Variants in SIMC1 observed in about 807,000 individuals in gnomAD.
SIMC1 encodes the protein SUMO interacting motifs containing 1.
Under a neutral mutation model 82.3 loss-of-function variants are expected in SIMC1, and 55 were observed. The observed-to-expected ratio is 0.67, with a 90% CI of 0.54 to 0.84. The LOEUF is 0.84. Ranked by LOEUF, SIMC1 falls within the 40% of genes least tolerant of loss-of-function variation. SIMC1 has a pLI of 0.00. For missense variants in SIMC1, 915 were observed against 1,107.2 expected (o/e 0.83, Z 2.46); for synonymous variants, 353 against 426.3 (o/e 0.83, Z 2.12).
chr5:176,245,734 CTA>C (rs746813623), intron 1 of SIMC1, among the ~76,000 whole-genome samples: 2 of 151,946 alleles, frequency 1.3e-5, no homozygotes, highest in East Asian at 1.9e-4. Flanking sequence ...CCATAATAAA[CTA>C]TGTGTGTATT....
chr5:176,272,568 A>G (rs1265737356), intron 1 of SIMC1, among the ~76,000 whole-genome samples: 1 of 152,128 alleles, frequency 6.6e-6, no homozygotes, highest in East Asian at 1.9e-4. Context: ...GGTTCATCTC[A>G]CTGGGGCTTG....
At chr5:176,246,407 G>GGTGTGT (rs57262987) in intron 1 of SIMC1, among the ~76,000 whole-genome samples, 1,662 of 137,004 alleles carry the variant, frequency 0.012, 10 homozygotes, top group East Asian at 0.017. Context: ...ATAGTTCAGG[G>GGTGTGT]GTGTGTGTGT....
chr5:176,270,196 TC>T (rs1164859868), intron 1 of SIMC1: 2 of 151,836 alleles, frequency 1.3e-5, no homozygotes, highest in African/African-American at 4.8e-5. Flanking sequence ...CAATATAAAT[TC>T]TGATATTAGT....
Position 176,327,193 on chromosome 5 carries a change from T to C in SIMC1, c.2171+2436T>C, listed in dbSNP as rs549295378. 5.8e-4 allele frequency among the ~76,000 whole-genome samples: 89 copies of C among 152,250 alleles called. 1 individual carries two copies. In the South Asian group the frequency reaches 0.017, roughly 29 times the overall value. On this transcript the variant is annotated intron_variant, in intron 7 of 9. Transcript: ENST00000429602. ...AATTAGGAATTAAAACAGACAAACA[T>C]GATTTATACAAAACCTGGCCCTACT...
chr5:176,249,050 G>T (rs191946503), intron 1 of SIMC1, among the ~76,000 whole-genome samples: 1 of 152,146 alleles, frequency 6.6e-6, no homozygotes, highest in African/African-American at 2.4e-5. Context: ...AGAGATAATG[G>T]CCTGAAATTT....
Position 176,283,767 on chromosome 5 carries a change from A to G in SIMC1, c.130-5887A>G, listed in dbSNP as rs536526046. Among the ~76,000 whole-genome samples, 913 of 151,390 alleles carry G rather than the reference A, an allele frequency of 6.0e-3. 2 individuals carry two copies. The highest frequency in any genetic ancestry group is 9.1e-3 in the Non-Finnish European group (615 of 67,296). ...GAGTCAAGACCCATCAGTGTGCTGTATTCAGGAGACCCATCTCACATGCAG... is the reference window on the plus strand; with the variant it reads ...GAGTCAAGACCCATCAGTGTGCTGTGTTCAGGAGACCCATCTCACATGCAG... On this transcript the variant is annotated intron_variant, in intron 1 of 9. Transcript: ENST00000429602.
chr5:176,336,385 T>C (rs1765894617), intron 7 of SIMC1, among the ~76,000 whole-genome samples: 1 of 152,228 alleles, frequency 6.6e-6, no homozygotes, highest in Non-Finnish European at 1.5e-5. Flanking sequence ...TATCTTAATA[T>C]TCCTTGTTGT....
Position 176,345,590 on chromosome 5 carries a change from GTAA to G in SIMC1, c.*146_*148del. The G allele has an allele frequency of 1.2e-6, 1 of 849,042 alleles. No individual in the cohort carries two copies. The highest frequency in any genetic ancestry group is 1.7e-6 in the Non-Finnish European group (1 of 584,066). The allele number at this position is 849,042 out of a possible 1,614,324, so 52.6% of individuals were successfully genotyped here. A position where few individuals can be genotyped will look rare whatever the true frequency, so the allele number is the denominator to read the frequency against. On this transcript the variant is annotated 3_prime_UTR_variant, in exon 10 of 10. Coordinates refer to ENST00000429602, the MANE Select transcript of SIMC1 (RefSeq NM_001308195.2). ...CAGTAGGTTGTAATTTCTAACTCTA[GTAA>G]ATATCTTTTTTTAAATAATCCTATC...
chr5:176,334,241 G>T (rs541804804), intron 7 of SIMC1, among the ~76,000 whole-genome samples: 9 of 152,230 alleles, frequency 5.9e-5, no homozygotes, highest in Non-Finnish European at 1.2e-4. Flanking sequence ...GCACTACATT[G>T]TTGAGAGTCT....
chr5:176,320,331 TTTTATTTA>T (rs71299779), intron 5 of SIMC1, among the ~76,000 whole-genome samples: 10,312 of 140,246 alleles, frequency 0.074, 482 homozygotes, highest in Middle Eastern at 0.1. Flanking sequence ...AGCCATCCTA[TTTTATTTA>T]TTTATTTATT....
chr5:176,309,125 T>TA, intron 4 of SIMC1: 1 of 637,660 alleles, frequency 1.6e-6, no homozygotes, highest in Non-Finnish European at 2.8e-6. Flanking sequence ...CTTCAAGACT[T>TA]ACTATAAAGC....
chr5:176,297,515 A>C lies in SIMC1; in HGVS notation c.1734+1195A>C, dbSNP rs552881084. 4.8e-4 allele frequency among the ~76,000 whole-genome samples: 73 copies of C among 151,672 alleles called. 2 individuals carry two copies. Among genetic ancestry groups the C allele is most frequent in the Non-Finnish European group, 2.2e-4 (15 of 67,822 alleles). On this transcript the variant is annotated intron_variant, in intron 4 of 9. Coordinates refer to ENST00000429602, the MANE Select transcript of SIMC1 (RefSeq NM_001308195.2). ...GAAACTCTGTCTCAAAAAAAAAAAA[A>C]AAAAAAAAAAAACGTTGAATGAACT...
At chr5:176,251,197 TA>T (rs1179348593) in intron 1 of SIMC1, among the ~76,000 whole-genome samples, 1 of 152,090 alleles carries the variant, frequency 6.6e-6, no homozygotes, top group Non-Finnish European at 1.5e-5. Context: ...CTGTCTCTAC[TA>T]AAAATACACA....
At position 176,340,578 on chromosome 5, in the gene SIMC1, G is replaced by A. The variant is rs148741309; in HGVS notation, c.2413+3432G>A. ...GACGGGGAAAAGCAGAAGCAGGTAG[G>A]ATCAGTTCAATTCATATATTTATCC... On this transcript the variant is annotated intron_variant, in intron 9 of 9. Transcript: ENST00000429602. Among the ~76,000 whole-genome samples, 726 of 152,282 alleles carry A rather than the reference G, an allele frequency of 4.8e-3. 10 individuals carry two copies. The highest frequency in any genetic ancestry group is 0.016 in the African/African-American group (674 of 41,550).
chr5:176,303,143 C>T (rs1764112412), intron 4 of SIMC1, among the ~76,000 whole-genome samples: 1 of 151,912 alleles, frequency 6.6e-6, no homozygotes, highest in Non-Finnish European at 1.5e-5. Context: ...TGGTGGGCAC[C>T]TGTAATCTCA....
In SIMC1 at chr5:176,313,839, A is replaced by G; in HGVS notation, c.1883A>G (p.Asn628Ser). The G allele has an allele frequency of 3.1e-6, 5 of 1,613,392 alleles. No homozygotes were observed. The highest frequency in any genetic ancestry group is 3.3e-5 in the Admixed American group (2 of 60,020). ...MVLSCDKQPH[N>S]VRDVIKWLVK... ...CTTTCCTGTGACAAGCAGCCCCACA[A>G]TGTCAGGTAAGCAGCCACCTGAGCC... Residue 628 changes from asparagine to serine, a missense_variant, in exon 5 of 10, where the codon AAT becomes AGT. Coordinates refer to ENST00000429602, the MANE Select transcript of SIMC1 (RefSeq NM_001308195.2).
intron 1 of SIMC1, among the ~76,000 whole-genome samples, chr5:176,259,705 G>T (rs1210932916): frequency 6.7e-6 from 1 of 149,368 alleles, no homozygotes; most frequent in African/African-American, 2.5e-5. Context: ...TCTGGGAGGT[G>T]GAGGTTGCAG....
chr5:176,291,881 G>A (rs1255995279), intron 2 of SIMC1, among the ~76,000 whole-genome samples: 4 of 152,132 alleles, frequency 2.6e-5, no homozygotes, highest in Admixed American at 2.0e-4. Context: ...CAGGCTCATC[G>A]TAGGCCTTAT....
At chr5:176,306,055 C>T (rs1340791747) in intron 4 of SIMC1, among the ~76,000 whole-genome samples, 3 of 83,358 alleles carry the variant, frequency 3.6e-5, no homozygotes, top group Non-Finnish European at 5.2e-5. Flanking sequence ...CCCCCCCGCC[C>T]GGCCAGCCGC....
Sources: allele counts gnomAD v4.1 joint callset (sites outside exome capture counted in the v4.1 genomes callset), GRCh38; gene constraint gnomAD v4.1.1; transcripts MANE v1.5; gene names NCBI Gene and HGNC (gene_info 2026-07-23, HGNC 2026-07-21).